The following CCSER1 variants were observed in gnomAD, a reference collection of about 807,000 sequenced individuals.
CCSER1 encodes the protein coiled-coil serine rich protein 1, also known as serine-rich coiled-coil domain-containing protein 1.
Under a neutral mutation model 82.0 loss-of-function variants are expected in CCSER1, and 41 were observed. The observed-to-expected ratio is 0.50, with a 90% CI of 0.39 to 0.65. CCSER1 has a LOEUF of 0.65. Among genes scored for constraint, CCSER1 ranks in the 30% least tolerant of loss-of-function variants. The probability of loss-of-function intolerance (pLI) is 0.00; values close to 1 mark genes in which losing one functional copy is unlikely to be tolerated. For synonymous variants in CCSER1, 414 were observed against 383.9 expected, an observed-to-expected ratio of 1.08 and a Z score of -0.92; for missense variants, 1,119 against 1,064.2, an observed-to-expected ratio of 1.05 and a Z score of -0.72.
intron 1 of CCSER1, among the ~76,000 whole-genome samples, chr4:90,159,690 C>T (rs1729065572): frequency 6.6e-6 from 1 of 152,150 alleles, no homozygotes; most frequent in South Asian, 2.1e-4. Context: ...ACTCTATTTA[C>T]ATTGTTTTAC....
At chr4:90,316,829 G>T (rs1736256768) in intron 3 of CCSER1, among the ~76,000 whole-genome samples, 1 of 152,148 alleles carries the variant, frequency 6.6e-6, no homozygotes, top group African/African-American at 2.4e-5. Context: ...CGAAAGGACA[G>T]GATGTATGAA....
chr4:90,509,659 G>A (rs1042923494), intron 5 of CCSER1, among the ~76,000 whole-genome samples: 12 of 151,994 alleles, frequency 7.9e-5, no homozygotes, highest in Non-Finnish European at 1.3e-4. Flanking sequence ...GGATCATTGT[G>A]CTTGAACGTT....
At chr4:90,990,788 A>T (rs1202459634) in intron 9 of CCSER1, among the ~76,000 whole-genome samples, 1 of 151,960 alleles carries the variant, frequency 6.6e-6, no homozygotes, top group Non-Finnish European at 1.5e-5. Flanking sequence ...TACCACCTAT[A>T]AATATGTAGA....
chr4:90,727,165 G>A (rs1023079239), intron 7 of CCSER1: 4 of 442,664 alleles, frequency 9.0e-6, no homozygotes, highest in Admixed American at 5.0e-5. Context: ...GAAACAAAAG[G>A]CAAATGTATA....
At chr4:91,084,323 G>A (rs961770141) in intron 9 of CCSER1, among the ~76,000 whole-genome samples, 9 of 152,098 alleles carry the variant, frequency 5.9e-5, no homozygotes, top group African/African-American at 2.2e-4. Flanking sequence ...ACTATTTTGG[G>A]ATATGCTGTG....
At chr4:91,196,124 T>C (rs78555424) in intron 10 of CCSER1, among the ~76,000 whole-genome samples, 78 of 150,720 alleles carry the variant, frequency 5.2e-4, no homozygotes, top group African/African-American at 1.8e-3. Flanking sequence ...GAGGCGGAGC[T>C]TGCAGTGAGC....
chr4:90,317,515 G>T (rs555128145), intron 3 of CCSER1, among the ~76,000 whole-genome samples: 2 of 152,094 alleles, frequency 1.3e-5, no homozygotes, highest in African/African-American at 4.8e-5. Context: ...CCAGCTACTC[G>T]GAAGGCTGAG....
At chr4:91,380,293 G>C (rs1046327963) in intron 10 of CCSER1, among the ~76,000 whole-genome samples, 3 of 152,132 alleles carry the variant, frequency 2.0e-5, no homozygotes, top group African/African-American at 7.2e-5. Context: ...TTCAATTCCT[G>C]AATATCCTTT....
chr4:91,382,133 G>GTA (rs778228234), intron 10 of CCSER1, among the ~76,000 whole-genome samples: 2 of 152,188 alleles, frequency 1.3e-5, no homozygotes, highest in Non-Finnish European at 2.9e-5. Context: ...TCTCAGAGGT[G>GTA]TACCCAGCTG....
At chr4:91,163,582 C>G (rs1013852079) in intron 10 of CCSER1, among the ~76,000 whole-genome samples, 3 of 152,130 alleles carry the variant, frequency 2.0e-5, no homozygotes, top group Admixed American at 6.6e-5. Flanking sequence ...CTTTGTAGGT[C>G]TCTAAGGACT....
chr4:90,821,717 A>G (rs1759744859), intron 8 of CCSER1, among the ~76,000 whole-genome samples: 1 of 152,184 alleles, frequency 6.6e-6, no homozygotes, highest in South Asian at 2.1e-4. Flanking sequence ...AATTTATTAC[A>G]CTTAATGATA....
At chr4:90,639,774 G>T (rs1258028036) in intron 6 of CCSER1, among the ~76,000 whole-genome samples, 1 of 152,064 alleles carries the variant, frequency 6.6e-6, no homozygotes, top group African/African-American at 2.4e-5. Context: ...TTGATCAGGT[G>T]AAGGTTGAAA....
chr4:90,961,192 CTTAT>C (rs907307415), intron 9 of CCSER1, among the ~76,000 whole-genome samples: 2 of 152,162 alleles, frequency 1.3e-5, no homozygotes, highest in Non-Finnish European at 2.9e-5. Context: ...TCATGCGTTC[CTTAT>C]TTAGAGTTCA....
Position 90,767,488 on chromosome 4 carries a change from G to A in CCSER1, c.2010+43497G>A, listed in dbSNP as rs902582808. Among the ~76,000 whole-genome samples, 14 of 152,158 alleles carry A rather than the reference G, an allele frequency of 9.2e-5. No individual in the cohort carries two copies. The East Asian group carries it at 2.3e-3, about 25-fold the overall frequency. ...CCAGGTTGCACATACTGAACTAAAC[G>A]AGGTAATTGCTCTGGCCTTGTGAAC... On this transcript the variant is annotated intron_variant, in intron 7 of 10. Coordinates refer to ENST00000509176, the MANE Select transcript of CCSER1 (RefSeq NM_001145065.2).
chr4:90,743,411 A>T (rs1189907851), intron 7 of CCSER1, among the ~76,000 whole-genome samples: 1 of 152,164 alleles, frequency 6.6e-6, no homozygotes, highest in Non-Finnish European at 1.5e-5. Flanking sequence ...CTCTTCAGTT[A>T]TATTATTAGC....
intron 5 of CCSER1, among the ~76,000 whole-genome samples, chr4:90,488,731 G>A (rs959002777): frequency 3.3e-5 from 5 of 152,104 alleles, no homozygotes; most frequent in South Asian, 4.1e-4. Flanking sequence ...TAGAATGCTC[G>A]CTCTGAACAT....
chr4:90,483,798 C>T (rs1353006975), intron 5 of CCSER1, among the ~76,000 whole-genome samples: 3 of 152,112 alleles, frequency 2.0e-5, no homozygotes, highest in African/African-American at 4.8e-5. Flanking sequence ...CTCTGGCTGC[C>T]CTTAACATTT....
chr4:90,564,278 A>G (rs1249958143), intron 5 of CCSER1, among the ~76,000 whole-genome samples: 1 of 151,798 alleles, frequency 6.6e-6, no homozygotes, highest in Non-Finnish European at 1.5e-5. Context: ...CTGGTCTTGA[A>G]CTCTGGGCCT....
chr4:90,686,881 T>C (rs1273878578), intron 6 of CCSER1, among the ~76,000 whole-genome samples: 4 of 152,280 alleles, frequency 2.6e-5, no homozygotes, highest in South Asian at 4.1e-4. Context: ...TCCGGTGACA[T>C]ATTCGGCATC....
Sources: allele counts gnomAD v4.1 joint callset (sites outside exome capture counted in the v4.1 genomes callset), GRCh38; gene constraint gnomAD v4.1.1; transcripts MANE v1.5; gene names NCBI Gene and HGNC (gene_info 2026-07-23, HGNC 2026-07-21).